Variants in DNAH11 observed in about 807,000 individuals in gnomAD.
DNAH11 encodes the protein dynein axonemal heavy chain 11, also known as axonemal beta dynein heavy chain 11.
A neutral mutation model predicts 526.0 loss-of-function variants in DNAH11; 442 were observed. That is an observed-to-expected ratio of 0.84 (90% CI 0.78 to 0.91). The LOEUF is 0.91. Ranked by LOEUF, DNAH11 falls within the 40% of genes least tolerant of loss-of-function variation. The pLI is 0.00. For synonymous variants in DNAH11, 2,461 were observed against 1,935.9 expected, an observed-to-expected ratio of 1.27 and a Z score of -7.12; for missense variants, 6,989 against 5,448.7, an observed-to-expected ratio of 1.28 and a Z score of -8.90.
At chr7:21,836,252 C>A (rs1781993862) in intron 65 of DNAH11, among the ~76,000 whole-genome samples, 1 of 151,946 alleles carries the variant, frequency 6.6e-6, no homozygotes, top group African/African-American at 2.4e-5. Context: ...TAAAACCATC[C>A]TGAAATTTAT....
intron 65 of DNAH11, among the ~76,000 whole-genome samples, chr7:21,827,146 G>C (rs911441618): frequency 3.9e-5 from 6 of 152,146 alleles, no homozygotes; most frequent in African/African-American, 1.4e-4. Context: ...AGGTGAACCT[G>C]GCCCACACAG....
chr7:21,680,926 G>T (rs1186533942), intron 30 of DNAH11, among the ~76,000 whole-genome samples: 2 of 152,118 alleles, frequency 1.3e-5, no homozygotes, highest in Admixed American at 6.5e-5. Flanking sequence ...GGCCTTTCAA[G>T]ATTTGTAGTC....
At chr7:21,776,635 C>A (rs1787682020) in intron 56 of DNAH11, among the ~76,000 whole-genome samples, 1 of 152,192 alleles carries the variant, frequency 6.6e-6, no homozygotes, top group Non-Finnish European at 1.5e-5. Context: ...TAGAGAAAGC[C>A]TTGCTTCCAC....
chr7:21,721,241 C>G (rs894850472), intron 44 of DNAH11, among the ~76,000 whole-genome samples: 7 of 152,186 alleles, frequency 4.6e-5, no homozygotes, highest in Non-Finnish European at 1.0e-4. Context: ...GTGGTACATT[C>G]TTCCCGGTAG....
chr7:21,756,001 G>A (rs1412714782), intron 54 of DNAH11, among the ~76,000 whole-genome samples: 1 of 151,934 alleles, frequency 6.6e-6, no homozygotes, highest in Admixed American at 6.6e-5. Context: ...GGTGTTTCCA[G>A]TTTTAATTTA....
rs533350873 is a variant in DNAH11, at chr7:21,688,695, A to T, written c.5924+1168A>T. On this transcript the variant is annotated intron_variant, in intron 34 of 81. Transcript: ENST00000409508. ...GCTAGTTGTCTCATCCCAATAGGTTATACCTTCATGTTCTTGCAGTAACTT... is the reference window on the plus strand; with the variant it reads ...GCTAGTTGTCTCATCCCAATAGGTTTTACCTTCATGTTCTTGCAGTAACTT... Among the ~76,000 whole-genome samples the T allele has an allele frequency of 5.9e-5, 9 of 152,360 alleles. No individual in the cohort carries two copies. The South Asian group carries it at 1.9e-3, about 32-fold the overall frequency.
At chr7:21,564,757 T>A (rs1277908992) in intron 6 of DNAH11, among the ~76,000 whole-genome samples, 2 of 152,194 alleles carry the variant, frequency 1.3e-5, no homozygotes, top group Non-Finnish European at 2.9e-5. Flanking sequence ...TTTTGGAAAG[T>A]GTGGTAAGTT....
At chr7:21,595,525 T>A (rs1178670518) in intron 14 of DNAH11, among the ~76,000 whole-genome samples, 2 of 152,204 alleles carry the variant, frequency 1.3e-5, no homozygotes, top group Non-Finnish European at 2.9e-5. Flanking sequence ...AAAGACACGT[T>A]AAAGATTATT....
intron 65 of DNAH11, among the ~76,000 whole-genome samples, chr7:21,841,358 C>A (rs775792117): frequency 6.6e-6 from 1 of 152,032 alleles, no homozygotes; most frequent in Non-Finnish European, 1.5e-5. Flanking sequence ...TAAAGAACTG[C>A]AACATTTAAT....
intron 66 of DNAH11, among the ~76,000 whole-genome samples, chr7:21,850,702 C>T (rs1782600311): frequency 7.0e-6 from 1 of 141,950 alleles, no homozygotes; most frequent in African/African-American, 2.6e-5. Flanking sequence ...AGATAACTGT[C>T]ACAAAAGTAA....
chr7:21,581,362 G>A (rs115816002), intron 8 of DNAH11, among the ~76,000 whole-genome samples: 220 of 152,274 alleles, frequency 1.4e-3, no homozygotes, highest in African/African-American at 5.1e-3. Context: ...CTGGGAAAAC[G>A]TAAGAGTATT....
chr7:21,745,126 C>A, intron 51 of DNAH11, 63 bp downstream of exon 51: 1 of 1,501,952 alleles, frequency 6.7e-7, no homozygotes. Context: ...CCACTACTGT[C>A]ATTTTTCAAT....
At chr7:21,687,352 A>G in intron 33 of DNAH11, 30 bp from the exon 34 acceptor site, 1 of 1,589,470 alleles carries the variant, frequency 6.3e-7, no homozygotes, top group South Asian at 1.1e-5. Context: ...CCCTTCTGTT[A>G]AATTCTGAGT....
At chr7:21,569,422 C>T (rs559883592) in intron 6 of DNAH11, among the ~76,000 whole-genome samples, 3 of 152,224 alleles carry the variant, frequency 2.0e-5, no homozygotes, top group South Asian at 4.1e-4. Flanking sequence ...TTGGGAGTGT[C>T]GGTTGATCCC....
chr7:21,661,619 T>C (rs960263960), intron 30 of DNAH11, among the ~76,000 whole-genome samples: 5 of 152,104 alleles, frequency 3.3e-5, no homozygotes, highest in Non-Finnish European at 1.5e-5. Context: ...TTTTTCCTTG[T>C]AGCATATGAT....
At chr7:21,705,907 T>A (rs1035117337) in intron 39 of DNAH11, among the ~76,000 whole-genome samples, 1 of 152,204 alleles carries the variant, frequency 6.6e-6, no homozygotes, top group Non-Finnish European at 1.5e-5. Flanking sequence ...GATAAACATA[T>A]TAAGAGACTG....
In DNAH11 at chr7:21,564,339, A is replaced by C; in HGVS notation, c.1136A>C (p.Asn379Thr). 6.2e-7 allele frequency: 1 copy of C among 1,613,468 alleles called. No homozygotes were observed. The highest frequency in any genetic ancestry group is 2.2e-5 in the East Asian group (1 of 44,866). The change falls in exon 6 of 82, where the codon AAC becomes ACC. Residue 379 changes from asparagine (N) to threonine (T), a missense_variant. Transcript: ENST00000409508. The stretch of plus-strand genomic sequence containing the variant: ...ATCTGGAGTCATTCCAAGTTTTATA[A>C]CACCCCAGCTCGGGTTATAGTTTTA... ...CLIWSHSKFY[N>T]TPARVIVLLQ...
chr7:21,606,433 C>T lies in DNAH11; in HGVS notation c.3656C>T (p.Pro1219Leu). The T allele has an allele frequency of 6.2e-7, 1 of 1,605,438 alleles. No homozygotes were observed. Among genetic ancestry groups the T allele is most frequent in the Non-Finnish European group, 8.5e-7 (1 of 1,177,602 alleles). Reference protein sequence around the residue: ...EQVYIQLEELPERWETTKKIA... With the variant: ...EQVYIQLEELLERWETTKKIA... ...GTGCCTTTGCTTTTGCAGGAATTACCTGAAAGATGGGAAACTACCAAAAAG... is the reference window on the plus strand; with the variant it reads ...GTGCCTTTGCTTTTGCAGGAATTACTTGAAAGATGGGAAACTACCAAAAAG... The change falls in exon 19 of 82, where the codon CCT becomes CTT. Residue 1219 changes from proline (P) to leucine (L), a missense_variant. By Grantham distance (98) the Pro-to-Leu change is moderately conservative. Transcript: ENST00000409508.
At chr7:21,794,056 T>A (rs1788598931) in intron 61 of DNAH11, among the ~76,000 whole-genome samples, 1 of 152,258 alleles carries the variant, frequency 6.6e-6, no homozygotes, top group African/African-American at 2.4e-5. Flanking sequence ...AAGCCTCAAA[T>A]TCATTTTTTA....
Sources: gnomAD v4.1 joint callset for allele counts (sites outside exome capture counted in the v4.1 genomes callset) on GRCh38, gnomAD v4.1.1 for gene constraint, MANE v1.5 for transcripts, NCBI Gene and HGNC (gene_info 2026-07-23, HGNC 2026-07-21) for gene names.